FHIT: variants seen among roughly 807,000 people sequenced by gnomAD.
The protein encoded by FHIT is bis(5'-adenosyl)-triphosphatase.
FHIT carries 19 observed loss-of-function variants against 17.9 expected under a neutral mutation model. The ratio of observed to expected loss-of-function variants is 1.06; its 90% CI spans 0.74 to 1.56. The LOEUF (loss-of-function observed/expected upper bound fraction) is 1.56. Among genes scored for constraint, FHIT ranks in the 40% most tolerant of loss-of-function variants. FHIT has a pLI of 0.00. For missense variants in FHIT, 248 were observed against 189.2 expected (o/e 1.31, Z -1.82); for synonymous variants, 81 against 69.7 (o/e 1.16, Z -0.81).
intron 3 of FHIT, among the ~76,000 whole-genome samples, chr3:60,911,575 G>A (rs1262616157): frequency 2.0e-5 from 3 of 152,180 alleles, no homozygotes; most frequent in Non-Finnish European, 2.9e-5. Context: ...CACTGGTTGT[G>A]GCCCCACCAA....
At chr3:59,752,956 G>C (rs1289611339) in intron 8 of FHIT, among the ~76,000 whole-genome samples, 1 of 152,086 alleles carries the variant, frequency 6.6e-6, no homozygotes, top group Non-Finnish European at 1.5e-5. Context: ...GGGATGAAGT[G>C]GGGGAATGGG....
chr3:60,288,572 T>A (rs1230307584), intron 5 of FHIT, among the ~76,000 whole-genome samples: 2 of 96,352 alleles, frequency 2.1e-5, no homozygotes, highest in African/African-American at 6.3e-5. Flanking sequence ...GCACAGTGTG[T>A]GTGTGTGTGT....
chr3:61,048,483 T>C (rs1444804826), intron 2 of FHIT, among the ~76,000 whole-genome samples: 4 of 152,286 alleles, frequency 2.6e-5, no homozygotes, highest in Middle Eastern at 3.4e-3. Flanking sequence ...AAACAACAGG[T>C]GCTGGAGAGG....
At chr3:60,696,268 C>T (rs1402583711) in intron 4 of FHIT, among the ~76,000 whole-genome samples, 1 of 152,088 alleles carries the variant, frequency 6.6e-6, no homozygotes, top group Admixed American at 6.6e-5. Context: ...TTTTAAGGTT[C>T]CTTCTAGAAA....
At chr3:60,116,763 T>G (rs2107202323) in intron 5 of FHIT, among the ~76,000 whole-genome samples, 1 of 152,230 alleles carries the variant, frequency 6.6e-6, no homozygotes, top group African/African-American at 2.4e-5. Context: ...CACTGAGAAA[T>G]CACACCATGA....
intron 3 of FHIT, among the ~76,000 whole-genome samples, chr3:60,943,126 G>C (rs1181687361): frequency 6.6e-6 from 1 of 152,092 alleles, no homozygotes; most frequent in Non-Finnish European, 1.5e-5. Context: ...AAGCTAACCG[G>C]TTATGTGGTT....
At chr3:59,926,135 T>C (rs747479296) in intron 7 of FHIT, among the ~76,000 whole-genome samples, 4 of 152,210 alleles carry the variant, frequency 2.6e-5, no homozygotes, top group African/African-American at 9.6e-5. Flanking sequence ...AATGTTTTCA[T>C]GGTCAAATAA....
Position 60,205,053 on chromosome 3 carries a change from G to A in FHIT, c.104-190901C>T, listed in dbSNP as rs182407934. 2.9e-4 allele frequency among the ~76,000 whole-genome samples: 43 copies of A among 150,312 alleles called. 1 individual carries two copies. The South Asian group carries it at 4.2e-3, about 15-fold the overall frequency. On this transcript the variant is annotated intron_variant, in intron 5 of 9. Transcript: ENST00000492590. ...AGAGGTTACAGCGAGCCAATATCGC[G>A]CCACTGCTCTCCAGCTTGGGTGACA... is the stretch of plus-strand genomic sequence containing the variant.
chr3:59,822,980 G>A (rs1192373372), intron 8 of FHIT, among the ~76,000 whole-genome samples: 2 of 152,144 alleles, frequency 1.3e-5, no homozygotes, highest in Non-Finnish European at 2.9e-5. Flanking sequence ...TTTTGTATAA[G>A]GTGAGAGATG....
chr3:60,131,081 A>ATATGTG (rs1315390023), intron 5 of FHIT, among the ~76,000 whole-genome samples: 1 of 66,012 alleles, frequency 1.5e-5, no homozygotes, highest in African/African-American at 1.2e-4. Context: ...GTATGTATAC[A>ATATGTG]CATATATACA....
chr3:59,771,694 A>G (rs1007768324), intron 8 of FHIT, among the ~76,000 whole-genome samples: 3 of 152,214 alleles, frequency 2.0e-5, no homozygotes, highest in African/African-American at 7.2e-5. Flanking sequence ...CCTTCTTCAG[A>G]CTAGTAGTGT....
intron 2 of FHIT, among the ~76,000 whole-genome samples, chr3:61,191,004 C>T (rs1329714586): frequency 6.6e-6 from 1 of 151,702 alleles, no homozygotes; most frequent in African/African-American, 2.4e-5. Context: ...ATGGGGGCAG[C>T]ACACCAACAT....
chr3:60,009,146 C>A (rs1052989781), intron 7 of FHIT, among the ~76,000 whole-genome samples: 8 of 140,930 alleles, frequency 5.7e-5, no homozygotes, highest in African/African-American at 2.1e-4. Context: ...TTGGAACCTT[C>A]ATTGTTCTCT....
At chr3:60,405,435 C>T (rs1396326758) in intron 5 of FHIT, among the ~76,000 whole-genome samples, 1 of 152,226 alleles carries the variant, frequency 6.6e-6, no homozygotes. Flanking sequence ...ACCCGCATGA[C>T]CCCTCTCCAC....
chr3:60,265,978 G>A (rs569119989), intron 5 of FHIT, among the ~76,000 whole-genome samples: 20 of 151,876 alleles, frequency 1.3e-4, no homozygotes, highest in African/African-American at 4.8e-4. Context: ...GTAAAATGAT[G>A]CATCTAATTT....
chr3:60,215,132 G>GT (rs1026740752), intron 5 of FHIT, among the ~76,000 whole-genome samples: 47 of 151,948 alleles, frequency 3.1e-4, no homozygotes, highest in African/African-American at 1.0e-3. Context: ...CAGTTTACCC[G>GT]TGTAACAAGC....
chr3:59,834,185 A>G (rs1231808809), intron 8 of FHIT, among the ~76,000 whole-genome samples: 1 of 152,196 alleles, frequency 6.6e-6, no homozygotes, highest in Non-Finnish European at 1.5e-5. Context: ...CCTGAATTCA[A>G]GTCCTAGTTT....
intron 8 of FHIT, among the ~76,000 whole-genome samples, chr3:59,845,580 T>C (rs1223654158): frequency 6.6e-6 from 1 of 152,154 alleles, no homozygotes; most frequent in Admixed American, 6.6e-5. Context: ...AATTTTTGAA[T>C]TTTTCAGTTT....
At chr3:61,161,808 T>A (rs1395211390) in intron 2 of FHIT, among the ~76,000 whole-genome samples, 1 of 152,206 alleles carries the variant, frequency 6.6e-6, no homozygotes, top group African/African-American at 2.4e-5. Context: ...ACATTTTTTA[T>A]CAAACAGTCG....
Sources: gnomAD v4.1 joint callset for allele counts (sites outside exome capture counted in the v4.1 genomes callset) on GRCh38, gnomAD v4.1.1 for gene constraint, MANE v1.5 for transcripts, NCBI Gene and HGNC (gene_info 2026-07-23, HGNC 2026-07-21) for gene names.